Variants in MBNL1 observed in about 807,000 individuals in gnomAD.
MBNL1 encodes muscleblind-like protein 1.
A neutral mutation model predicts 42.2 loss-of-function variants in MBNL1; 8 were observed. That is an observed-to-expected ratio of 0.19 (90% CI 0.11 to 0.34). The LOEUF (loss-of-function observed/expected upper bound fraction) is 0.34. Ranked by LOEUF, MBNL1 falls within the 10% of genes least tolerant of loss-of-function variation. MBNL1 has a pLI of 1.00. For missense variants in MBNL1, 309 were observed against 495.3 expected (o/e 0.62, Z 3.57); for synonymous variants, 169 against 173.9 (o/e 0.97, Z 0.22).
intron 2 of MBNL1, among the ~76,000 whole-genome samples, chr3:152,254,399 TG>T (rs2035145050): frequency 6.6e-6 from 1 of 152,120 alleles, no homozygotes; most frequent in South Asian, 2.1e-4. Context: ...TGTCCTGCCT[TG>T]CCCTCACCCC....
At chr3:152,443,508 A>ACACACACACACAC (rs61600245) in intron 4 of MBNL1, among the ~76,000 whole-genome samples, 2 of 151,016 alleles carry the variant, frequency 1.3e-5, no homozygotes, top group African/African-American at 2.4e-5. Flanking sequence ...ACACACACAC[A>ACACACACACACAC]ACTTTTTATC....
chr3:152,345,321 T>C (rs1322016190), intron 2 of MBNL1, among the ~76,000 whole-genome samples: 1 of 152,104 alleles, frequency 6.6e-6, no homozygotes, highest in East Asian at 1.9e-4. Context: ...ATCTGCTTTA[T>C]TTTACTCCTT....
At chr3:152,428,753 T>G (rs2098968990) in intron 3 of MBNL1, among the ~76,000 whole-genome samples, 1 of 152,164 alleles carries the variant, frequency 6.6e-6, no homozygotes, top group Non-Finnish European at 1.5e-5. Flanking sequence ...ATTCACGGTT[T>G]AAAAGTCCTC....
intron 2 of MBNL1, among the ~76,000 whole-genome samples, chr3:152,382,441 A>G (rs16864231): frequency 0.016 from 2,411 of 152,176 alleles, 56 homozygotes; most frequent in African/African-American, 0.055. Context: ...GCAAGAAAAA[A>G]TAGATAATGG....
intron 2 of MBNL1, among the ~76,000 whole-genome samples, chr3:152,321,064 A>G: frequency 6.6e-6 from 1 of 152,050 alleles, no homozygotes; most frequent in East Asian, 1.9e-4. Flanking sequence ...CTCTCCAACA[A>G]TTATTTTAAG....
At chr3:152,374,995 T>A (rs1468240116) in intron 2 of MBNL1, among the ~76,000 whole-genome samples, 2 of 152,214 alleles carry the variant, frequency 1.3e-5, no homozygotes, top group Non-Finnish European at 2.9e-5. Flanking sequence ...GTTGAGGTTA[T>A]TTTTTGTTTG....
intron 3 of MBNL1, among the ~76,000 whole-genome samples, chr3:152,429,079 G>A (rs1270102975): frequency 6.7e-6 from 1 of 148,966 alleles, no homozygotes; most frequent in African/African-American, 2.4e-5. Context: ...CTTCTGATCT[G>A]TACCCCTCAA....
chr3:152,300,978 G>C (rs1402322895), intron 2 of MBNL1: 2 of 942,942 alleles, frequency 2.1e-6, no homozygotes, highest in East Asian at 2.3e-4. Context: ...TTGCATGTGA[G>C]TTATATAAAT....
intron 1 of MBNL1, among the ~76,000 whole-genome samples, chr3:152,281,768 G>A (rs1160688583): frequency 6.6e-6 from 1 of 152,110 alleles, no homozygotes; most frequent in African/African-American, 2.4e-5. Flanking sequence ...CTATTCAGCT[G>A]CATTATTGAA....
intron 3 of MBNL1, among the ~76,000 whole-genome samples, chr3:152,417,645 C>G (rs1347553290): frequency 2.0e-5 from 3 of 151,944 alleles, no homozygotes; most frequent in African/African-American, 7.3e-5. Flanking sequence ...TGGCATATAG[C>G]AGAGATCAAT....
Position 152,349,988 on chromosome 3 carries a change from A to T in MBNL1, c.174+49621A>T, listed in dbSNP as rs535357078. On this transcript the variant is annotated intron_variant, in intron 2 of 9. Coordinates refer to ENST00000324210, the MANE Select transcript of MBNL1 (RefSeq NM_021038.5). ...GTTTGGGAGGGTTGAATTTAAGGAA[A>T]AACATCTGAAACCCTCTTACACAGA... is the stretch of plus-strand genomic sequence containing the variant. Among the ~76,000 whole-genome samples, 4 of 152,246 alleles carry T rather than the reference A, an allele frequency of 2.6e-5. No individual in the cohort carries two copies. The South Asian group carries it at 8.3e-4, about 32-fold the overall frequency.
intron 2 of MBNL1, among the ~76,000 whole-genome samples, chr3:152,394,030 A>G (rs931317164): frequency 6.6e-6 from 1 of 152,178 alleles, no homozygotes; most frequent in African/African-American, 2.4e-5. Context: ...TATCACTGAC[A>G]TTCAGTTCAT....
In MBNL1 at chr3:152,341,123, G is replaced by A. The variant is rs116776033; in HGVS notation, c.174+40756G>A. On this transcript the variant is annotated intron_variant, in intron 2 of 9. Transcript: ENST00000324210. Reference sequence around the variant, plus strand: ...ATAACTAAATGAAATGTTTTGAAGTGCATTAAAATGGGTAATTCTTTCATA... The same window carrying A: ...ATAACTAAATGAAATGTTTTGAAGTACATTAAAATGGGTAATTCTTTCATA... 6.0e-3 allele frequency: 2,877 copies of A among 482,386 alleles called. 66 individuals are homozygous for A. Among genetic ancestry groups the A allele is most frequent in the African/African-American group, 0.052 (2,597 of 50,316 alleles). The allele number at this position is 482,386 out of a possible 1,614,324, so 29.9% of individuals were successfully genotyped here.
intron 2 of MBNL1, among the ~76,000 whole-genome samples, chr3:152,336,698 G>A (rs2152749164): frequency 6.6e-6 from 1 of 152,292 alleles, no homozygotes; most frequent in South Asian, 2.1e-4. Context: ...TCAGACAGAA[G>A]TAAACCTTGC....
At chr3:152,376,056 T>C (rs1240816573) in intron 2 of MBNL1, among the ~76,000 whole-genome samples, 1 of 152,174 alleles carries the variant, frequency 6.6e-6, no homozygotes, top group East Asian at 1.9e-4. Flanking sequence ...TCTCCATTTT[T>C]CTTTATATAT....
chr3:152,324,599 T>TAGC, intron 2 of MBNL1, among the ~76,000 whole-genome samples: 1 of 152,334 alleles, frequency 6.6e-6, no homozygotes, highest in East Asian at 1.9e-4. Context: ...ATTAAACCTT[T>TAGC]AGCAGCACTC....
chr3:152,378,478 C>T (rs2097020332), intron 2 of MBNL1, among the ~76,000 whole-genome samples: 1 of 152,034 alleles, frequency 6.6e-6, no homozygotes, highest in Non-Finnish European at 1.5e-5. Flanking sequence ...AATGCTACCT[C>T]TCTATATTTA....
intron 2 of MBNL1, among the ~76,000 whole-genome samples, chr3:152,362,455 A>G (rs2096048447): frequency 6.6e-6 from 1 of 152,204 alleles, no homozygotes; most frequent in Non-Finnish European, 1.5e-5. Flanking sequence ...CAGATAGCAT[A>G]GTTCATACTC....
rs1348610351 is a variant in MBNL1 at position 152,463,960 on chromosome 3, A to T, written c.*1594A>T. ...TTTCTAATATAAGACTGATGTGTTG[A>T]TTTTACTGATTGTACTGTACATCTA... On this transcript the variant is annotated 3_prime_UTR_variant, in exon 10 of 10. Coordinates refer to ENST00000324210, the MANE Select transcript of MBNL1 (RefSeq NM_021038.5). The T allele has an allele frequency of 6.6e-6, 1 of 152,564 alleles. No homozygotes were observed. The highest frequency in any genetic ancestry group is 1.5e-5 in the Non-Finnish European group (1 of 67,986). 9.5% of individuals were successfully genotyped at this position (152,564 alleles called of 1,614,324 possible). A position where few individuals can be genotyped will look rare whatever the true frequency, so the allele number is the denominator to read the frequency against.
Sources: allele counts gnomAD v4.1 joint callset (sites outside exome capture counted in the v4.1 genomes callset), GRCh38; gene constraint gnomAD v4.1.1; transcripts MANE v1.5; gene names NCBI Gene and HGNC (gene_info 2026-07-23, HGNC 2026-07-21).